Variants in SRGAP3 observed in about 807,000 individuals in gnomAD.
SRGAP3 encodes the protein SLIT-ROBO Rho GTPase activating protein 3, also known as SLIT-ROBO Rho GTPase-activating protein 3.
A neutral mutation model predicts 121.1 loss-of-function variants in SRGAP3; 39 were observed. The ratio of observed to expected loss-of-function variants is 0.32; its 90% CI spans 0.25 to 0.42. SRGAP3 has a LOEUF of 0.42. Ranked by LOEUF, SRGAP3 falls within the 10% of genes least tolerant of loss-of-function variation. The pLI, the probability that SRGAP3 is intolerant of heterozygous loss-of-function variation, is 1.00. For synonymous variants in SRGAP3, 601 were observed against 570.0 expected (o/e 1.05, Z -0.77); for missense variants, 1,213 against 1,470.6 (o/e 0.82, Z 2.86).
chr3:9,325,145 G>A (rs911323684), intron 3 of SRGAP3, among the ~76,000 whole-genome samples: 2 of 151,768 alleles, frequency 1.3e-5, no homozygotes, highest in Non-Finnish European at 2.9e-5. Flanking sequence ...CTTGAAGAGA[G>A]ACTACTTGAC....
chr3:9,288,436 C>A (rs1258921986), intron 3 of SRGAP3, among the ~76,000 whole-genome samples: 2 of 151,850 alleles, frequency 1.3e-5, no homozygotes, highest in Non-Finnish European at 2.9e-5. Flanking sequence ...CACATCCAGC[C>A]TTGTTTCATT....
rs992323194 is a variant in SRGAP3 at position 8,981,695 on chromosome 3, G to A, written c.*3824C>T. 8.2e-5 allele frequency: 19 copies of A among 230,978 alleles called. No homozygotes were observed. Among genetic ancestry groups the A allele is most frequent in the African/African-American group, 2.0e-4 (9 of 45,166 alleles). The allele number at this position is 230,978 out of a possible 1,614,324, so 14.3% of individuals were successfully genotyped here. ...GGTTCCTCTTTGTGTACCACAAACC[G>A]GTTTTAAATGTTTATAAGGCAGATC... On this transcript the variant is annotated 3_prime_UTR_variant, in exon 22 of 22. Coordinates refer to ENST00000383836, the MANE Select transcript of SRGAP3 (RefSeq NM_014850.4).
intron 3 of SRGAP3, among the ~76,000 whole-genome samples, chr3:9,261,376 A>C (rs1237881484): frequency 2.0e-5 from 3 of 152,172 alleles, no homozygotes; most frequent in African/African-American, 7.2e-5. Context: ...AGTAGGCTTC[A>C]GAAGGTGGGT....
intron 2 of SRGAP3, among the ~76,000 whole-genome samples, chr3:9,106,392 GC>G (rs1419836178): frequency 5.3e-5 from 8 of 152,204 alleles, no homozygotes; most frequent in African/African-American, 1.9e-4. Context: ...CCCCAGGCCT[GC>G]CTTGTCCCAC....
chr3:9,291,128 C>A (rs919775342), intron 3 of SRGAP3, among the ~76,000 whole-genome samples: 1 of 152,166 alleles, frequency 6.6e-6, no homozygotes, highest in Non-Finnish European at 1.5e-5. Flanking sequence ...ATAACTCCTT[C>A]CTGTAGCATG....
At chr3:9,331,510 C>T (rs1325397302) in intron 1 of SRGAP3, among the ~76,000 whole-genome samples, 1 of 152,214 alleles carries the variant, frequency 6.6e-6, no homozygotes, top group Non-Finnish European at 1.5e-5. Flanking sequence ...CAGATATGAC[C>T]ACCCACCCCA....
At chr3:9,271,000 G>T (rs1217735028) in intron 3 of SRGAP3, among the ~76,000 whole-genome samples, 1 of 152,126 alleles carries the variant, frequency 6.6e-6, no homozygotes, top group Admixed American at 6.6e-5. Flanking sequence ...TCATTGCCTG[G>T]GCTTTTGGAC....
At chr3:9,050,054 G>C (rs1174770834) in intron 9 of SRGAP3, among the ~76,000 whole-genome samples, 1 of 152,142 alleles carries the variant, frequency 6.6e-6, no homozygotes, top group Admixed American at 6.5e-5. Flanking sequence ...TGCCCACGCT[G>C]GTCATGAACT....
intron 1 of SRGAP3, among the ~76,000 whole-genome samples, chr3:9,214,859 C>T (rs1952561999): frequency 6.6e-6 from 1 of 152,148 alleles, no homozygotes; most frequent in South Asian, 2.1e-4. Flanking sequence ...ACTAACCACA[C>T]GCTACAGGAG....
At chr3:9,081,057 T>C (rs1290726667) in intron 3 of SRGAP3, among the ~76,000 whole-genome samples, 1 of 152,174 alleles carries the variant, frequency 6.6e-6, no homozygotes. Context: ...GCAAAAAAGG[T>C]TGGGGACCAC....
rs1948524441 is a variant in SRGAP3 at position 9,109,090 on chromosome 3, G to A, written c.261-4248C>T. Among the ~76,000 whole-genome samples, 1 of 152,136 alleles carries A rather than the reference G, an allele frequency of 6.6e-6. No individual in the cohort carries two copies. The highest frequency in any genetic ancestry group is 1.5e-5 in the Non-Finnish European group (1 of 68,026). ...TTTTCACTGCTTCCTAGGTGGTGAT[G>A]GAAATGGAAAGATTAAAGGAGAGAT... is the stretch of plus-strand genomic sequence containing the variant. On this transcript the variant is annotated intron_variant, in intron 2 of 21. Coordinates refer to ENST00000383836, the MANE Select transcript of SRGAP3 (RefSeq NM_014850.4). This position sits in a 1 kb window ranked among gnomAD's most constrained non-coding sequence, Gnocchi z 4.4.
intron 21 of SRGAP3, 140 bp from the exon 22 acceptor site, chr3:8,986,072 T>G: frequency 1.3e-6 from 2 of 1,511,160 alleles, no homozygotes; most frequent in South Asian, 1.2e-5. Context: ...TCAGGATGTC[T>G]TATAACCACA....
At chr3:9,091,538 C>A (rs1028084746) in intron 3 of SRGAP3, among the ~76,000 whole-genome samples, 2 of 152,102 alleles carry the variant, frequency 1.3e-5, no homozygotes, top group Non-Finnish European at 2.9e-5. Flanking sequence ...TGTATGTAAG[C>A]ACGGGCCATC....
intron 3 of SRGAP3, among the ~76,000 whole-genome samples, chr3:9,265,004 T>C (rs1954327452): frequency 6.6e-6 from 1 of 152,192 alleles, no homozygotes; most frequent in Non-Finnish European, 1.5e-5. Flanking sequence ...CAAAACAGCA[T>C]GGTACTGGTA....
rs1423684477 is a variant in SRGAP3 at position 8,982,388 on chromosome 3, T to C, written c.*3131A>G. 4.4e-6 allele frequency: 1 copy of C among 225,474 alleles called. No individual in the cohort carries two copies. The highest frequency in any genetic ancestry group is 5.7e-5 in the Admixed American group (1 of 17,498). The allele number at this position is 225,474 out of a possible 1,614,324, so 14.0% of individuals were successfully genotyped here. On this transcript the variant is annotated 3_prime_UTR_variant, in exon 22 of 22. Coordinates refer to ENST00000383836, the MANE Select transcript of SRGAP3 (RefSeq NM_014850.4). ...ACTTCCCCTTGTACAATTGGTTATA[T>C]TGAAGACTACTAACTAGGTTACTAC...
chr3:9,362,230 A>G (rs1196488317), intron 1 of SRGAP3, among the ~76,000 whole-genome samples: 3 of 61,516 alleles, frequency 4.9e-5, no homozygotes, highest in African/African-American at 2.7e-4. Flanking sequence ...CAGTGGCACA[A>G]TCTTGGCTCT....
exon 1 of SRGAP3, chr3:9,362,887 T>C (rs983656990): frequency 2.0e-5 from 3 of 152,156 alleles, no homozygotes; most frequent in African/African-American, 7.2e-5. Context: ...GCAAATACCA[T>C]GGTAGGACAC....
chr3:9,214,795 AT>A (rs2125185885), intron 1 of SRGAP3, among the ~76,000 whole-genome samples: 1 of 152,336 alleles, frequency 6.6e-6, no homozygotes. Context: ...CAGTATCTCT[AT>A]CCAAGAGTTG....
intron 1 of SRGAP3, among the ~76,000 whole-genome samples, chr3:9,226,687 T>C (rs1952998430): frequency 6.6e-6 from 1 of 152,174 alleles, no homozygotes. Context: ...TTTTCAGACA[T>C]AAGGGCAAGA....
Sources: allele counts gnomAD v4.1 joint callset (sites outside exome capture counted in the v4.1 genomes callset), GRCh38; gene constraint gnomAD v4.1.1; non-coding constraint Gnocchi (gnomAD v3.1); transcripts MANE v1.5; gene names NCBI Gene and HGNC (gene_info 2026-07-23, HGNC 2026-07-21).